ABI3BP: variants seen among roughly 807,000 people sequenced by gnomAD.
ABI3BP encodes target of Nesh-SH3.
In ABI3BP, 216 loss-of-function variants were observed where a neutral mutation model predicts 268.6. The ratio of observed to expected loss-of-function variants is 0.80; its 90% CI spans 0.72 to 0.90. The LOEUF (loss-of-function observed/expected upper bound fraction) is 0.90. Among genes scored for constraint, ABI3BP ranks in the 40% least tolerant of loss-of-function variants. The pLI is 0.00. For synonymous variants in ABI3BP, 730 were observed against 730.0 expected (o/e 1.00, Z 0.00); for missense variants, 2,090 against 2,182.4 (o/e 0.96, Z 0.84).
At chr3:100,764,292 C>T (rs1240613709) in intron 63 of ABI3BP, among the ~76,000 whole-genome samples, 1 of 152,214 alleles carries the variant, frequency 6.6e-6, no homozygotes, top group East Asian at 1.9e-4. Flanking sequence ...GCACCTTGGG[C>T]ATGCTTCATT....
intron 1 of ABI3BP, among the ~76,000 whole-genome samples, chr3:100,946,154 T>C (rs2072117921): frequency 6.6e-6 from 1 of 151,068 alleles, no homozygotes; most frequent in Admixed American, 6.6e-5. Context: ...GCAGATCACC[T>C]GAGGTCAGGC....
chr3:100,771,664 A>G (rs2096550370), intron 61 of ABI3BP, among the ~76,000 whole-genome samples: 1 of 152,206 alleles, frequency 6.6e-6, no homozygotes, highest in Non-Finnish European at 1.5e-5. Flanking sequence ...AAGATAATAC[A>G]GAATAAATGA....
In ABI3BP at chr3:100,813,828, C is replaced by T. The variant is rs558656825; in HGVS notation, c.3290-93G>A. 7 of 1,076,252 alleles carry T rather than the reference C, an allele frequency of 6.5e-6. No individual in the cohort carries two copies. The South Asian group carries it at 9.9e-5, about 15-fold the overall frequency. The allele number at this position is 1,076,252 out of a possible 1,614,324, so 66.7% of individuals were successfully genotyped here. A position where few individuals can be genotyped will look rare whatever the true frequency, so the allele number is the denominator to read the frequency against. On this transcript the variant is annotated intron_variant, in intron 44 of 67. Transcript: ENST00000471714. Reference sequence around the variant, plus strand: ...GTAGCAGTGAAATAAAATACACAGACCCTGAAAATCATGAGGTTATGGAGA... The same window carrying T: ...GTAGCAGTGAAATAAAATACACAGATCCTGAAAATCATGAGGTTATGGAGA...
At chr3:100,984,135 C>A (rs2090772121) in intron 1 of ABI3BP, among the ~76,000 whole-genome samples, 1 of 118,810 alleles carries the variant, frequency 8.4e-6, no homozygotes, top group Admixed American at 9.2e-5. Context: ...ATTAGAATCA[C>A]CTGAGGAGTT....
chr3:100,776,961 G>A (rs1019858479), intron 59 of ABI3BP, among the ~76,000 whole-genome samples: 4 of 152,186 alleles, frequency 2.6e-5, no homozygotes, highest in Admixed American at 2.0e-4. Context: ...CAAGCTGCTG[G>A]AGCTCAAGTC....
intron 44 of ABI3BP, among the ~76,000 whole-genome samples, chr3:100,814,073 T>C (rs984439409): frequency 2.6e-5 from 4 of 152,086 alleles, no homozygotes; most frequent in Non-Finnish European, 5.9e-5. Flanking sequence ...TATTCATGAA[T>C]CAGCTTTGGT....
chr3:100,779,063 C>T (rs1421635357), intron 58 of ABI3BP, among the ~76,000 whole-genome samples: 1 of 152,296 alleles, frequency 6.6e-6, no homozygotes, highest in South Asian at 2.1e-4. Flanking sequence ...ATTTCTTATA[C>T]CATTTTAGTT....
chr3:100,774,127 T>C (rs1344996322), intron 61 of ABI3BP, among the ~76,000 whole-genome samples: 3 of 152,220 alleles, frequency 2.0e-5, no homozygotes. Context: ...GGTAGATTGT[T>C]GTTCAAAACT....
intron 1 of ABI3BP, chr3:100,952,584 A>C (rs1414706370): frequency 6.6e-6 from 1 of 152,184 alleles, no homozygotes; most frequent in Non-Finnish European, 1.5e-5. Context: ...GATTTCATTT[A>C]AATTAAAAGA....
Position 100,835,673 on chromosome 3 carries a change from A to G in ABI3BP, c.2132-13T>C. On this transcript the variant is annotated splice_polypyrimidine_tract_variant and intron_variant, in intron 27 of 67. Coordinates refer to ENST00000471714, the MANE Select transcript of ABI3BP (RefSeq NM_001375547.2). ...TCTGTGGTGGGAACTAACCAAAAGC[A>G]ATACAATAAACAATGGAGATTAAGA... is the stretch of plus-strand genomic sequence containing the variant. The G allele has an allele frequency of 6.5e-7, 1 of 1,528,282 alleles. No individual in the cohort carries two copies. The highest frequency in any genetic ancestry group is 1.4e-5 in the African/African-American group (1 of 72,878). 94.7% of individuals were successfully genotyped at this position (1,528,282 alleles called of 1,614,324 possible). A position where few individuals can be genotyped will look rare whatever the true frequency, so the allele number is the denominator to read the frequency against.
intron 63 of ABI3BP, 70 bp from the exon 64 acceptor site, chr3:100,754,761 A>T: frequency 8.1e-7 from 1 of 1,235,106 alleles, no homozygotes; most frequent in Non-Finnish European, 1.2e-6. Context: ...TTGCCCTATT[A>T]TACGGACATC....
Position 100,811,227 on chromosome 3 carries a change from T to A in ABI3BP, c.3541+3A>T, listed in dbSNP as rs2097854651. 1 of 1,533,202 alleles carries A rather than the reference T, an allele frequency of 6.5e-7. No individual in the cohort carries two copies. Among genetic ancestry groups the A allele is most frequent in the Non-Finnish European group, 8.7e-7 (1 of 1,145,388 alleles). 95.0% of individuals were successfully genotyped at this position (1,533,202 alleles called of 1,614,324 possible). On this transcript the variant is annotated splice_donor_region_variant and intron_variant, in intron 48 of 67. Coordinates refer to ENST00000471714, the MANE Select transcript of ABI3BP (RefSeq NM_001375547.2). Reference sequence around the variant, plus strand: ...CCCAGGGTTGGGCTACCGAGGTTATTACCTAGTGTGGTCTCAGGTGGTTCA... The same window carrying A: ...CCCAGGGTTGGGCTACCGAGGTTATAACCTAGTGTGGTCTCAGGTGGTTCA...
intron 20 of ABI3BP, among the ~76,000 whole-genome samples, chr3:100,846,051 A>G (rs1484236967): frequency 2.0e-5 from 3 of 152,152 alleles, no homozygotes; most frequent in Admixed American, 2.0e-4. Context: ...TCCAGCTGAA[A>G]GGCTATTGTT....
chr3:100,916,814 A>C (rs575338549), intron 2 of ABI3BP, among the ~76,000 whole-genome samples: 2 of 152,206 alleles, frequency 1.3e-5, no homozygotes, highest in African/African-American at 4.8e-5. Context: ...CCAGTGGCAG[A>C]GAAAAGGCTG....
At chr3:100,931,000 A>T (rs1225650598) in intron 1 of ABI3BP, 1 of 152,194 alleles carries the variant, frequency 6.6e-6, no homozygotes, top group Non-Finnish European at 1.5e-5. Flanking sequence ...GCCATGATCA[A>T]GTAGGCTTTA....
Position 100,869,330 on chromosome 3 carries a change from GTTTTTTTTTTTTTTTTTTTTT to G in ABI3BP, c.911-2395_911-2375del, listed in dbSNP as rs144604645. Among the ~76,000 whole-genome samples, 9 of 49,754 alleles carry G rather than the reference GTTTTTTTTTTTTTTTTTTTTT, an allele frequency of 1.8e-4. 1 individual carries two copies. Among genetic ancestry groups the G allele is most frequent in the Admixed American group, 3.1e-4 (1 of 3,218 alleles). 32.6% of individuals were successfully genotyped at this position (49,754 alleles called of 152,430 possible). A position where few individuals can be genotyped will look rare whatever the true frequency, so the allele number is the denominator to read the frequency against. ...ATATTGTTTTTTCTTCTTCTTTTTG[GTTTTTTTTTTTTTTTTTTTTT>G]TTTTTGAGTCAGGGTCTCACTCTGT... is the stretch of plus-strand genomic sequence containing the variant. On this transcript the variant is annotated intron_variant, in intron 9 of 67. Coordinates refer to ENST00000471714, the MANE Select transcript of ABI3BP (RefSeq NM_001375547.2).
chr3:100,956,596 C>A (rs1258371219), intron 1 of ABI3BP, among the ~76,000 whole-genome samples: 1 of 152,072 alleles, frequency 6.6e-6, no homozygotes. Context: ...TGTTTTTAAG[C>A]CTTTGAGATT....
Position 100,846,407 on chromosome 3 carries a change from A to G in ABI3BP, c.1688T>C (p.Ile563Thr). 1 of 1,603,538 alleles carries G rather than the reference A, an allele frequency of 6.2e-7. No individual in the cohort carries two copies. Among genetic ancestry groups the G allele is most frequent in the Non-Finnish European group, 8.5e-7 (1 of 1,174,742 alleles). Residue 563 changes from isoleucine to threonine, a missense_variant, in exon 20 of 68, where the codon ATC becomes ACC. Coordinates refer to ENST00000471714, the MANE Select transcript of ABI3BP (RefSeq NM_001375547.2). ...KTQFISLKPK[I>T]PLSPEVTHTK... ...GTGTGTCACTTCTGGGCTGAGAGGG[A>G]TTTTAGGTTTCAGAGAAATAAATTG...
rs138809353 is a variant in ABI3BP, at chr3:100,919,278, A to G, written c.259+7024T>C. On this transcript the variant is annotated intron_variant, in intron 2 of 67. Transcript: ENST00000471714. ...GAATGCATAATCACTTATGATAGTT[A>G]TATTTCAGTGTAATAAACAGTATCA... is the stretch of plus-strand genomic sequence containing the variant. 9.9e-5 allele frequency among the ~76,000 whole-genome samples: 15 copies of G among 152,186 alleles called. No individual in the cohort carries two copies. The East Asian group carries it at 2.3e-3, about 24-fold the overall frequency.
Sources: gnomAD v4.1 joint callset for allele counts (sites outside exome capture counted in the v4.1 genomes callset) on GRCh38, gnomAD v4.1.1 for gene constraint, MANE v1.5 for transcripts, NCBI Gene and HGNC (gene_info 2026-07-23, HGNC 2026-07-21) for gene names.